RPS6KC1: variants seen among roughly 807,000 people sequenced by gnomAD.
RPS6KC1 encodes the protein inactive ribosomal protein S6 kinase delta-1.
In RPS6KC1, 54 loss-of-function variants were observed where a neutral mutation model predicts 103.8. The observed-to-expected ratio is 0.52, with a 90% CI of 0.42 to 0.65. The LOEUF (loss-of-function observed/expected upper bound fraction) is 0.65, where lower values mean the gene tolerates loss of function less well. RPS6KC1 is among the 30% of genes least tolerant of loss of function. The probability of loss-of-function intolerance (pLI) is 0.00; values close to 1 mark genes in which losing one functional copy is unlikely to be tolerated. For missense variants in RPS6KC1, 1,151 were observed against 1,253.8 expected (o/e 0.92, Z 1.24); for synonymous variants, 439 against 438.7 (o/e 1.00, Z -0.01).
intron 4 of RPS6KC1, among the ~76,000 whole-genome samples, chr1:213,107,581 G>A (rs376058706): frequency 1.1e-4 from 16 of 152,072 alleles, no homozygotes; most frequent in East Asian, 5.8e-4. Context: ...ATGTTTCTAC[G>A]TTTTGGCTGT....
At chr1:213,427,247 T>C in the RPS6KC1 span, among the ~76,000 whole-genome samples, 1 of 152,242 alleles carries the variant, frequency 6.6e-6, no homozygotes, top group African/African-American at 2.4e-5. Flanking sequence ...TTAAGAGCCA[T>C]ATGTATCTCT....
the RPS6KC1 span, among the ~76,000 whole-genome samples, chr1:213,771,932 T>C: frequency 6.6e-6 from 1 of 152,114 alleles, no homozygotes; most frequent in Non-Finnish European, 1.5e-5. Flanking sequence ...AAAGGGAGGA[T>C]ATCTGGGCGG....
chr1:213,199,806 A>G (rs2093088583), intron 8 of RPS6KC1, among the ~76,000 whole-genome samples: 1 of 152,254 alleles, frequency 6.6e-6, no homozygotes, highest in Non-Finnish European at 1.5e-5. Context: ...TACAAAATCA[A>G]TGTGCAAAAA....
In RPS6KC1 at chr1:213,273,734, CCAAA is replaced by C. The variant is rs1294809896; in HGVS notation, c.*1103_*1106del. The C allele has an allele frequency of 6.6e-6, 1 of 152,192 alleles. No individual in the cohort carries two copies. The highest frequency in any genetic ancestry group is 1.5e-5 in the Non-Finnish European group (1 of 68,038). The allele number at this position is 152,192 out of a possible 1,614,324, so 9.4% of individuals were successfully genotyped here. On this transcript the variant is annotated 3_prime_UTR_variant, in exon 15 of 15. Coordinates refer to ENST00000366960, the MANE Select transcript of RPS6KC1 (RefSeq NM_012424.6). ...AAAGAATGTAAGTATTCACACATCTCCAAACATTTGTATTTGTTACTTCTTTTTG... is the reference window on the plus strand; with the variant it reads ...AAAGAATGTAAGTATTCACACATCTCCATTTGTATTTGTTACTTCTTTTTG...
At chr1:213,830,864 CATCACCT>C in the RPS6KC1 span, among the ~76,000 whole-genome samples, 1 of 152,160 alleles carries the variant, frequency 6.6e-6, no homozygotes, top group Non-Finnish European at 1.5e-5. Flanking sequence ...GCAGGATAGT[CATCACCT>C]TTCTGGCTCT....
the RPS6KC1 span, among the ~76,000 whole-genome samples, chr1:213,516,625 A>G: frequency 3.9e-4 from 60 of 152,272 alleles, no homozygotes; most frequent in African/African-American, 1.4e-3. Flanking sequence ...TGCTGGATTC[A>G]GTTTGCCAGT....
At chr1:213,188,834 T>G (rs1573122963) in intron 8 of RPS6KC1, among the ~76,000 whole-genome samples, 1 of 40,768 alleles carries the variant, frequency 2.5e-5, no homozygotes, top group African/African-American at 4.5e-5. Context: ...TTCCGCAAGG[T>G]TTTTTTTTTT....
At chr1:213,155,817 G>T (rs1000449651) in intron 6 of RPS6KC1, among the ~76,000 whole-genome samples, 3 of 152,036 alleles carry the variant, frequency 2.0e-5, no homozygotes, top group African/African-American at 7.2e-5. Context: ...GGGATGATTG[G>T]TGGAGCTTTC....
At chr1:213,371,824 ACCT>A in the RPS6KC1 span, among the ~76,000 whole-genome samples, 2 of 152,012 alleles carry the variant, frequency 1.3e-5, no homozygotes, top group African/African-American at 4.8e-5. Context: ...GAGCACACTG[ACCT>A]CCTCCACTCC....
chr1:213,390,897 G>C, the RPS6KC1 span, among the ~76,000 whole-genome samples: 1 of 152,124 alleles, frequency 6.6e-6, no homozygotes, highest in Non-Finnish European at 1.5e-5. Context: ...TAGCATGTGT[G>C]GGGGTGAGGG....
At chr1:213,414,210 C>G in the RPS6KC1 span, among the ~76,000 whole-genome samples, 4 of 152,210 alleles carry the variant, frequency 2.6e-5, no homozygotes, top group Non-Finnish European at 5.9e-5. Flanking sequence ...ATCATTTACT[C>G]TTCTTGTTAT....
the RPS6KC1 span, among the ~76,000 whole-genome samples, chr1:213,764,239 C>T: frequency 6.6e-6 from 1 of 152,160 alleles, no homozygotes; most frequent in South Asian, 2.1e-4. Context: ...AAAACTTTGG[C>T]GGATCAGGGG....
the RPS6KC1 span, among the ~76,000 whole-genome samples, chr1:213,600,227 T>C: frequency 6.6e-6 from 1 of 152,146 alleles, no homozygotes; most frequent in Non-Finnish European, 1.5e-5. Flanking sequence ...CTTTATAAGT[T>C]ACCCAGTCTC....
intron 6 of RPS6KC1, among the ~76,000 whole-genome samples, chr1:213,137,461 G>A (rs1054145956): frequency 1.2e-4 from 18 of 151,966 alleles, no homozygotes; most frequent in Admixed American, 3.9e-4. Flanking sequence ...AACCTCCCGA[G>A]TAGCTGAGAT....
the RPS6KC1 span, among the ~76,000 whole-genome samples, chr1:213,542,994 A>G: frequency 6.6e-6 from 1 of 152,218 alleles, no homozygotes; most frequent in Non-Finnish European, 1.5e-5. Flanking sequence ...AGCAGGGACA[A>G]CTGACCTGGG....
At chr1:213,265,076 A>T (rs4376708) in intron 14 of RPS6KC1, among the ~76,000 whole-genome samples, 2 of 152,210 alleles carry the variant, frequency 1.3e-5, no homozygotes, top group African/African-American at 4.8e-5. Flanking sequence ...ACAAATTTTC[A>T]TGCCCTCATT....
the RPS6KC1 span, among the ~76,000 whole-genome samples, chr1:213,681,879 G>C: frequency 2.0e-5 from 3 of 152,138 alleles, no homozygotes; most frequent in Admixed American, 2.0e-4. Flanking sequence ...TGATCTTTCT[G>C]TTTCCACCAA....
At chr1:213,492,977 A>G in the RPS6KC1 span, among the ~76,000 whole-genome samples, 2 of 152,220 alleles carry the variant, frequency 1.3e-5, no homozygotes, top group South Asian at 4.1e-4. Flanking sequence ...TACTGTGAAT[A>G]AAAGAAGACT....
At chr1:213,112,456 TA>T (rs2083117515) in intron 4 of RPS6KC1, among the ~76,000 whole-genome samples, 1 of 151,994 alleles carries the variant, frequency 6.6e-6, no homozygotes, top group African/African-American at 2.4e-5. Context: ...ATTTTATATT[TA>T]TTTTTTATAT....
Sources: gnomAD v4.1 joint callset for allele counts (sites outside exome capture counted in the v4.1 genomes callset) on GRCh38, gnomAD v4.1.1 for gene constraint, MANE v1.5 for transcripts, NCBI Gene and HGNC (gene_info 2026-07-23, HGNC 2026-07-21) for gene names.